MSTO1: variants seen among roughly 807,000 people sequenced by gnomAD.
MSTO1 encodes the protein misato mitochondrial distribution and morphology regulator 1.
Under a neutral mutation model 55.7 loss-of-function variants are expected in MSTO1, and 24 were observed. That is an observed-to-expected ratio of 0.43 (90% CI 0.31 to 0.61). MSTO1 has a LOEUF of 0.61. Ranked by LOEUF, MSTO1 falls within the 20% of genes least tolerant of loss-of-function variation. The pLI is 0.09. For missense variants in MSTO1, 363 were observed against 625.7 expected, an observed-to-expected ratio of 0.58 and a Z score of 4.48; for synonymous variants, 162 against 252.8, an observed-to-expected ratio of 0.64 and a Z score of 3.41.
At chr1:155,570,543 A>ATTCAC in the MSTO1 span, among the ~76,000 whole-genome samples, 1 of 152,308 alleles carries the variant, frequency 6.6e-6, no homozygotes, top group Admixed American at 6.5e-5. Flanking sequence ...TTCCTAAGTC[A>ATTCAC]TTCACTTTAT....
the MSTO1 span, among the ~76,000 whole-genome samples, chr1:155,578,622 T>C: frequency 1.3e-5 from 2 of 149,382 alleles, no homozygotes; most frequent in Admixed American, 6.7e-5. Context: ...GCCATTCTCC[T>C]GCCTCAGCCT....
the MSTO1 span, among the ~76,000 whole-genome samples, chr1:155,575,854 G>A: frequency 6.7e-6 from 1 of 148,530 alleles, no homozygotes; most frequent in African/African-American, 2.5e-5. Flanking sequence ...GACAGAGTTC[G>A]CTCTGTTGCC....
chr1:155,573,279 A>G, the MSTO1 span, among the ~76,000 whole-genome samples: 339 of 152,270 alleles, frequency 2.2e-3, 5 homozygotes, highest in Non-Finnish European at 5.9e-4. Context: ...ACTATACCCA[A>G]GTGGGCCAGA....
At chr1:155,584,394 A>G in the MSTO1 span, among the ~76,000 whole-genome samples, 1 of 151,922 alleles carries the variant, frequency 6.6e-6, no homozygotes, top group African/African-American at 2.4e-5. Context: ...GAGGCAGAGC[A>G]TGGTGGCTCA....
At chr1:155,568,400 G>A in the MSTO1 span, among the ~76,000 whole-genome samples, 9 of 149,952 alleles carry the variant, frequency 6.0e-5, no homozygotes, top group Admixed American at 6.0e-4. Context: ...TATTTAAGAC[G>A]GAAGAAATTT....
At chr1:155,605,768 A>G (rs1672925716), upstream of MSTO1, among the ~76,000 whole-genome samples, 1 of 152,226 alleles carries the variant, frequency 6.6e-6, no homozygotes, top group Admixed American at 6.5e-5. Context: ...TGACAATCAG[A>G]TAATGTCTTA....
upstream of MSTO1, chr1:155,609,770 G>A (rs1375263423): frequency 2.3e-5 from 4 of 177,408 alleles, no homozygotes; most frequent in Non-Finnish European, 4.8e-5. Flanking sequence ...CAGTCCACAG[G>A]TTATTAGTCG....
chr1:155,575,578 G>C, the MSTO1 span, among the ~76,000 whole-genome samples: 7 of 151,756 alleles, frequency 4.6e-5, no homozygotes, highest in South Asian at 1.0e-3. Flanking sequence ...AAATAGCTGG[G>C]TCCACAGTGG....
chr1:155,602,328 T>G, the MSTO1 span: 90 of 246,554 alleles, frequency 3.7e-4, 1 homozygote, highest in East Asian at 0.011. Flanking sequence ...AATACAAAAT[T>G]AGCCAAGTGT....
the MSTO1 span, among the ~76,000 whole-genome samples, chr1:155,601,840 C>T: frequency 2.6e-5 from 4 of 151,970 alleles, no homozygotes; most frequent in Non-Finnish European, 4.4e-5. Context: ...CTGCAAGCTC[C>T]GCCTCCCGGG....
the MSTO1 span, chr1:155,586,719 C>T: frequency 4.0e-3 from 1,972 of 495,536 alleles, 33 homozygotes; most frequent in African/African-American, 0.035. Context: ...TCTGGACTGA[C>T]GGCTGATCTG....
the MSTO1 span, among the ~76,000 whole-genome samples, chr1:155,575,796 TTTTATTTATTTATTTA>T: frequency 2.2e-4 from 32 of 144,720 alleles, no homozygotes; most frequent in East Asian, 1.4e-3. Flanking sequence ...CTTATTTTAT[TTTTATTTATTTATTTA>T]TTTATTTATT....
At chr1:155,575,704 A>C in the MSTO1 span, among the ~76,000 whole-genome samples, 1 of 151,962 alleles carries the variant, frequency 6.6e-6, no homozygotes, top group Non-Finnish European at 1.5e-5. Context: ...TCAGCCTCAC[A>C]AAGTGCTGGG....
chr1:155,567,469 G>A, the MSTO1 span, among the ~76,000 whole-genome samples: 303 of 152,010 alleles, frequency 2.0e-3, no homozygotes, highest in African/African-American at 6.9e-3. Context: ...CCGCCACTGC[G>A]CCCGGCTAAT....
chr1:155,608,057 T>C (rs1415259575), upstream of MSTO1, among the ~76,000 whole-genome samples: 1 of 152,148 alleles, frequency 6.6e-6, no homozygotes, highest in Non-Finnish European at 1.5e-5. Context: ...TCAGAAGAGA[T>C]AAGAGCATCT....
the MSTO1 span, chr1:155,591,094 T>G: frequency 6.2e-7 from 1 of 1,613,638 alleles, no homozygotes; most frequent in Admixed American, 1.7e-5. Context: ...GCTAGTGCTC[T>G]GCACCACTCA....
Position 155,614,839 on chromosome 1 carries a change from A to G in MSTO1, c.*566A>G. 1.3e-6 allele frequency: 2 copies of G among 1,579,766 alleles called. No individual in the cohort carries two copies. Among genetic ancestry groups the G allele is most frequent in the Non-Finnish European group, 1.7e-6 (2 of 1,162,308 alleles). ...GCTGGCTTCACAGGCAGTGTGGAAG[A>G]GCTGCATGAGTTCTCGAAAATGGTG... On this transcript the variant is annotated 3_prime_UTR_variant, in exon 14 of 14. Transcript: ENST00000245564.
chr1:155,601,514 A>T, the MSTO1 span, among the ~76,000 whole-genome samples: 8 of 152,020 alleles, frequency 5.3e-5, no homozygotes, highest in African/African-American at 1.7e-4. Flanking sequence ...GTTCACCAGC[A>T]ATTTGAGAGG....
the MSTO1 span, among the ~76,000 whole-genome samples, chr1:155,603,332 G>A: frequency 6.6e-6 from 1 of 152,050 alleles, no homozygotes; most frequent in East Asian, 1.9e-4. Flanking sequence ...GAGAGGTGGA[G>A]GTTGCAGTGA....
Sources: allele counts gnomAD v4.1 joint callset (sites outside exome capture counted in the v4.1 genomes callset), GRCh38; gene constraint gnomAD v4.1.1; transcripts MANE v1.5; gene names NCBI Gene and HGNC (gene_info 2026-07-23, HGNC 2026-07-21).